TRIP6: variants seen among roughly 807,000 people sequenced by gnomAD.
TRIP6 encodes the protein thyroid receptor-interacting protein 6.
TRIP6 carries 33 observed loss-of-function variants against 51.9 expected under a neutral mutation model. That is an observed-to-expected ratio of 0.64 (90% CI 0.48 to 0.85). The LOEUF is 0.85. TRIP6 is among the 40% of genes least tolerant of loss of function. TRIP6 has a pLI of 0.00. For synonymous variants in TRIP6, 255 were observed against 275.8 expected (o/e 0.92, Z 0.75); for missense variants, 661 against 652.1 (o/e 1.01, Z -0.15).
Position 100,867,471 on chromosome 7 carries a change from G to T in TRIP6, c.-27G>T. Reference sequence around the variant, plus strand: ...GCCAGAGGCTCGGGGCTTCAAGACCGCTGTCTGGAGTCCCCCTTTCCAGGC... The same window carrying T: ...GCCAGAGGCTCGGGGCTTCAAGACCTCTGTCTGGAGTCCCCCTTTCCAGGC... On this transcript the variant is annotated 5_prime_UTR_variant, in exon 1 of 9. Coordinates refer to ENST00000200457, the MANE Select transcript of TRIP6 (RefSeq NM_003302.3). The surrounding 1 kb of genome is among the most constrained non-coding windows in gnomAD (Gnocchi z 5.4). 7.0e-7 allele frequency: 1 copy of T among 1,420,012 alleles called. No individual in the cohort carries two copies. 88.0% of individuals were successfully genotyped at this position (1,420,012 alleles called of 1,614,324 possible). A position where few individuals can be genotyped will look rare whatever the true frequency, so the allele number is the denominator to read the frequency against.
Position 100,870,648 on chromosome 7 carries a change from G to A in TRIP6, c.904G>A (p.Val302Met), listed in dbSNP as rs375530812. Residue 302 changes from valine to methionine, a missense_variant, in exon 6 of 9, where the codon GTG (valine) becomes ATG (methionine). Val to Met is a conservative substitution (Grantham distance 21). Transcript: ENST00000200457. Reference sequence around the variant, plus strand: ...TGTGGCCCTTGATCGCGTCTTTCACGTGGGCTGCTTTGTATGTTCTACATG... The same window carrying A: ...TGTGGCCCTTGATCGCGTCTTTCACATGGGCTGCTTTGTATGTTCTACATG... ...GVVALDRVFH[V>M]GCFVCSTCRA... 23 of 1,614,072 alleles carry A rather than the reference G, an allele frequency of 1.4e-5. No homozygotes were observed. Among genetic ancestry groups the A allele is most frequent in the Admixed American group, 8.3e-5 (5 of 60,000 alleles).
At position 100,871,673 on chromosome 7, in the gene TRIP6, T is replaced by C. The variant is rs756107564; in HGVS notation, c.1130T>C (p.Phe377Ser). 10 of 1,614,082 alleles carry C rather than the reference T, an allele frequency of 6.2e-6. No homozygotes were observed. In the South Asian group the frequency reaches 1.1e-4, roughly 18 times the overall value. The change falls in exon 7 of 9, where the codon TTC becomes TCC. Residue 377 changes from phenylalanine (F) to serine (S), a missense_variant. Phe to Ser is a radical substitution (Grantham distance 155). Transcript: ENST00000200457. The stretch of plus-strand genomic sequence containing the variant: ...CACCGCGGCCTCGACGGCATCCCCT[T>C]CACAGTGGATGCTACGAGCCAGATC... Reference protein sequence around the residue: ...VCHRGLDGIPFTVDATSQIHC... With the variant: ...VCHRGLDGIPSTVDATSQIHC...
chr7:100,871,393 A>C (rs1266700038), intron 6 of TRIP6, 150 bp from the exon 7 acceptor site: 8 of 735,204 alleles, frequency 1.1e-5, no homozygotes, highest in Non-Finnish European at 1.8e-5. Context: ...ACCTGAACTC[A>C]GATCTGCTCA....
rs1815171435 is a variant in TRIP6 at position 100,867,710 on chromosome 7, C to G, written c.109+104C>G. On this transcript the variant is annotated intron_variant, in intron 1 of 8. Transcript: ENST00000200457. The surrounding 1 kb of genome is among the most constrained non-coding windows in gnomAD (Gnocchi z 5.4). Reference sequence around the variant, plus strand: ...TGGCTGCTTCCTCCTGCCCCTTCCCCAAGCCGAGGCGGGGGGAACAGCCGC... The same window carrying G: ...TGGCTGCTTCCTCCTGCCCCTTCCCGAAGCCGAGGCGGGGGGAACAGCCGC... The G allele has an allele frequency of 1.3e-6, 2 of 1,526,334 alleles. No individual in the cohort carries two copies. The highest frequency in any genetic ancestry group is 4.1e-5 in the Admixed American group (2 of 48,616). 94.5% of individuals were successfully genotyped at this position (1,526,334 alleles called of 1,614,324 possible). A position where few individuals can be genotyped will look rare whatever the true frequency, so the allele number is the denominator to read the frequency against.
At position 100,873,396 on chromosome 7, in the gene TRIP6, C is replaced by A; in HGVS notation, c.*93C>A. On this transcript the variant is annotated 3_prime_UTR_variant, in exon 9 of 9. Transcript: ENST00000200457. Reference sequence around the variant, plus strand: ...ACATCCACCTGTATGACTTTGTCACCAAATGCTGTCTTCTCTTTCTCCAAT... The same window carrying A: ...ACATCCACCTGTATGACTTTGTCACAAAATGCTGTCTTCTCTTTCTCCAAT... 1 of 1,473,094 alleles carries A rather than the reference C, an allele frequency of 6.8e-7. No homozygotes were observed. Among genetic ancestry groups the A allele is most frequent in the Non-Finnish European group, 9.0e-7 (1 of 1,106,566 alleles). 91.3% of individuals were successfully genotyped at this position (1,473,094 alleles called of 1,614,324 possible). A position where few individuals can be genotyped will look rare whatever the true frequency, so the allele number is the denominator to read the frequency against.
Position 100,870,633 on chromosome 7 carries a change from G to C in TRIP6, c.889G>C (p.Asp297His). Reference protein sequence around the residue: ...VGDGAGVVALDRVFHVGCFVC... With the variant: ...VGDGAGVVALHRVFHVGCFVC... ...GGATGGGGCTGGGGTTGTGGCCCTT[G>C]ATCGCGTCTTTCACGTGGGCTGCTT... Residue 297 changes from aspartate to histidine, a missense_variant, in exon 6 of 9, where the codon GAT (aspartate) becomes CAT (histidine). Coordinates refer to ENST00000200457, the MANE Select transcript of TRIP6 (RefSeq NM_003302.3). 2 of 1,614,212 alleles carry C rather than the reference G, an allele frequency of 1.2e-6. No individual in the cohort carries two copies. The highest frequency in any genetic ancestry group is 2.2e-5 in the South Asian group (2 of 91,090).
Position 100,872,700 on chromosome 7 carries a change from G to A in TRIP6, c.1255G>A (p.Val419Ile). 6.2e-7 allele frequency: 1 copy of A among 1,614,178 alleles called. No homozygotes were observed. Among genetic ancestry groups the A allele is most frequent in the Non-Finnish European group, 8.5e-7 (1 of 1,180,022 alleles). Reference protein sequence around the residue: ...EPGQEETVRIVALDRSFHIGC... With the variant: ...EPGQEETVRIIALDRSFHIGC... ...AGGTCAGGAGGAGACTGTGAGAATTGTTGCTCTGGATCGAAGTTTTCACAT... is the reference window on the plus strand; with the variant it reads ...AGGTCAGGAGGAGACTGTGAGAATTATTGCTCTGGATCGAAGTTTTCACAT... The change falls in exon 8 of 9, where the codon GTT becomes ATT. Residue 419 changes from valine (V) to isoleucine (I), a missense_variant. Transcript: ENST00000200457.
chr7:100,870,540 T>C, intron 5 of TRIP6, 34 bp from the exon 6 acceptor site: 2 of 1,608,584 alleles, frequency 1.2e-6, no homozygotes, highest in South Asian at 2.2e-5. Context: ...TTCCTGGGTC[T>C]GTGAAGACTG....
rs1815315255 is a variant in TRIP6 at position 100,873,234 on chromosome 7, CA to C, written c.1363del (p.Ile455SerfsTer26). 1 of 1,613,864 alleles carries C rather than the reference CA, an allele frequency of 6.2e-7. No homozygotes were observed. Among genetic ancestry groups the C allele is most frequent in the Non-Finnish European group, 8.5e-7 (1 of 1,179,830 alleles). ...CQGCYPLDGH[I>X]LCKACSAWRI... ...AGGGCTGCTACCCGCTGGATGGGCA[CA>C]TCTTGTGCAAGGCCTGCAGCGCCTG... On this transcript the variant is annotated frameshift_variant, in exon 9 of 9. Coordinates refer to ENST00000200457, the MANE Select transcript of TRIP6 (RefSeq NM_003302.3). LOFTEE classifies it high-confidence loss of function.
intron 6 of TRIP6, 70 bp downstream of exon 6, chr7:100,870,813 T>G: frequency 6.5e-7 from 1 of 1,539,280 alleles, no homozygotes; most frequent in South Asian, 1.2e-5. Flanking sequence ...AGGTGGTAAC[T>G]AGAGCGTCCA....
chr7:100,871,988 C>G (rs1054498761), intron 7 of TRIP6, among the ~76,000 whole-genome samples: 1 of 151,674 alleles, frequency 6.6e-6, no homozygotes, highest in Non-Finnish European at 1.5e-5. Flanking sequence ...GGTGCACACG[C>G]CACCATGCCT....
At chr7:100,871,983 A>G (rs1464660777) in intron 7 of TRIP6, among the ~76,000 whole-genome samples, 1 of 148,746 alleles carries the variant, frequency 6.7e-6, no homozygotes, top group Non-Finnish European at 1.5e-5. Context: ...CTACGGGTGC[A>G]CACGCCACCA....
rs780376499 is a variant in TRIP6, at chr7:100,871,625, G to C, written c.1082G>C (p.Gly361Ala). The change falls in exon 7 of 9, where the codon GGC becomes GCC. Residue 361 changes from glycine to alanine, a missense_variant. Coordinates refer to ENST00000200457, the MANE Select transcript of TRIP6 (RefSeq NM_003302.3). Reference protein sequence around the residue: ...LRAMGKAYHPGCFTCVVCHRG... With the variant: ...LRAMGKAYHPACFTCVVCHRG... The stretch of plus-strand genomic sequence containing the variant: ...GCTATGGGGAAGGCCTACCACCCTG[G>C]CTGCTTCACCTGCGTGGTGTGTCAC... The C allele has an allele frequency of 6.2e-7, 1 of 1,614,078 alleles. No homozygotes were observed. The highest frequency in any genetic ancestry group is 8.5e-7 in the Non-Finnish European group (1 of 1,180,030).
At position 100,867,482 on chromosome 7, in the gene TRIP6, T is replaced by C. The variant is rs747957403; in HGVS notation, c.-16T>C. 6.9e-7 allele frequency: 1 copy of C among 1,442,348 alleles called. No homozygotes were observed. 89.3% of individuals were successfully genotyped at this position (1,442,348 alleles called of 1,614,324 possible). On this transcript the variant is annotated 5_prime_UTR_variant, in exon 1 of 9. Coordinates refer to ENST00000200457, the MANE Select transcript of TRIP6 (RefSeq NM_003302.3). This position sits in a 1 kb window ranked among gnomAD's most constrained non-coding sequence, Gnocchi z 5.4. ...GGGGCTTCAAGACCGCTGTCTGGAGTCCCCCTTTCCAGGCCATGTCGGGGC... is the reference window on the plus strand; with the variant it reads ...GGGGCTTCAAGACCGCTGTCTGGAGCCCCCCTTTCCAGGCCATGTCGGGGC...
chr7:100,867,515 G>A lies in TRIP6; in HGVS notation c.18G>A (p.Trp6Ter), dbSNP rs544108737. MSGPT[W>*]LPPKQPEPAR... ...TCCAGGCCATGTCGGGGCCCACCTG[G>A]CTGCCCCCGAAGCAGCCGGAGCCCG... The change falls in exon 1 of 9, where the codon TGG (tryptophan) becomes TGA (stop). Residue 6 changes from tryptophan (W) to a stop codon, truncating the protein, a stop_gained. Transcript: ENST00000200457. LOFTEE classifies it high-confidence loss of function. The surrounding 1 kb of genome is among the most constrained non-coding windows in gnomAD (Gnocchi z 5.4). 4.3e-5 allele frequency: 64 copies of A among 1,504,924 alleles called. No individual in the cohort carries two copies. The highest frequency in any genetic ancestry group is 1.8e-6 in the Non-Finnish European group (2 of 1,128,552). The allele number at this position is 1,504,924 out of a possible 1,614,324, so 93.2% of individuals were successfully genotyped here.
At chr7:100,872,842 T>C (rs1263768753) in intron 8 of TRIP6, 98 bp downstream of exon 8, 2 of 1,492,306 alleles carry the variant, frequency 1.3e-6, no homozygotes, top group South Asian at 1.3e-5. Context: ...TGGAAACCTG[T>C]TGCTTCTTTC....
Position 100,871,684 on chromosome 7 carries a change from G to A in TRIP6, c.1141G>A (p.Ala381Thr). Residue 381 changes from alanine (A) to threonine (T), a missense_variant, in exon 7 of 9, where the codon GCT becomes ACT. Coordinates refer to ENST00000200457, the MANE Select transcript of TRIP6 (RefSeq NM_003302.3). ...CGACGGCATCCCCTTCACAGTGGAT[G>A]CTACGAGCCAGATCCACTGCATTGA... ...GLDGIPFTVD[A>T]TSQIHCIEDF... 6.2e-7 allele frequency: 1 copy of A among 1,614,066 alleles called. No individual in the cohort carries two copies. Among genetic ancestry groups the A allele is most frequent in the Non-Finnish European group, 8.5e-7 (1 of 1,180,040 alleles).
rs774628656 is a variant in TRIP6 at position 100,868,123 on chromosome 7, AG to A, written c.260del (p.Gly87AlafsTer11). 5 of 1,612,468 alleles carry A rather than the reference AG, an allele frequency of 3.1e-6. No homozygotes were observed. Among genetic ancestry groups the A allele is most frequent in the Admixed American group, 1.7e-5 (1 of 59,774 alleles). On this transcript the variant is annotated frameshift_variant, in exon 3 of 9. Coordinates refer to ENST00000200457, the MANE Select transcript of TRIP6 (RefSeq NM_003302.3). LOFTEE classifies it high-confidence loss of function. ...LQHTQGLPAD[R>X]GGLRPGSLDA... ...CCATCCTCAGGGGCTCCCTGCAGAC[AG>A]GGGGGGCCTTCGCCCTGGAAGCCTG...
chr7:100,872,664 A>G lies in TRIP6; in HGVS notation c.1219A>G (p.Met407Val), dbSNP rs1815298358. The G allele has an allele frequency of 2.5e-6, 4 of 1,613,950 alleles. No individual in the cohort carries two copies. The highest frequency in any genetic ancestry group is 3.4e-6 in the Non-Finnish European group (4 of 1,179,956). ...PRCSVCGGAIMPEPGQEETVR... is the reference protein window; with the variant it reads ...PRCSVCGGAIVPEPGQEETVR... ...ATGCTCAGTGTGCGGTGGGGCCATA[A>G]TGCCTGAGCCAGGTCAGGAGGAGAC... Residue 407 changes from methionine (M) to valine (V), a missense_variant, in exon 8 of 9, where the codon ATG becomes GTG. Transcript: ENST00000200457.
Sources: gnomAD v4.1 joint callset for allele counts (sites outside exome capture counted in the v4.1 genomes callset) on GRCh38, gnomAD v4.1.1 for gene constraint, Gnocchi (gnomAD v3.1) non-coding constraint, MANE v1.5 for transcripts, NCBI Gene and HGNC (gene_info 2026-07-23, HGNC 2026-07-21) for gene names.